The following DYM variants were observed in gnomAD, a reference collection of about 807,000 sequenced individuals.
The protein encoded by DYM is dyggve-Melchior-Clausen syndrome protein.
DYM carries 78 observed loss-of-function variants against 93.1 expected under a neutral mutation model. That is an observed-to-expected ratio of 0.84 (90% CI 0.70 to 1.01). The LOEUF is 1.01. Ranked by LOEUF, DYM falls within the 50% of genes least tolerant of loss-of-function variation. DYM has a pLI of 0.00. For synonymous variants in DYM, 321 were observed against 319.7 expected, an observed-to-expected ratio of 1.00 and a Z score of -0.04; for missense variants, 789 against 845.0, an observed-to-expected ratio of 0.93 and a Z score of 0.82.
chr18:49,350,726 G>GAA (rs72289769), intron 6 of DYM, among the ~76,000 whole-genome samples: 65 of 119,938 alleles, frequency 5.4e-4, no homozygotes, highest in African/African-American at 1.3e-3. Context: ...GAAAAAAAAA[G>GAA]AAAAAAAAAA....
At chr18:49,448,141 G>C (rs772467022) in intron 1 of DYM, among the ~76,000 whole-genome samples, 2 of 152,118 alleles carry the variant, frequency 1.3e-5, no homozygotes, top group African/African-American at 2.4e-5. Flanking sequence ...TTCTGTAAAT[G>C]AGAAAACTCT....
chr18:49,208,493 C>G (rs1020401693), intron 14 of DYM: 4 of 152,166 alleles, frequency 2.6e-5, no homozygotes, highest in Non-Finnish European at 4.4e-5. Context: ...TACAATGACT[C>G]GATGTGAGGC....
chr18:49,316,339 C>G (rs1457407356), intron 8 of DYM, among the ~76,000 whole-genome samples: 1 of 151,802 alleles, frequency 6.6e-6, no homozygotes, highest in African/African-American at 2.4e-5. Context: ...AAATATTTTA[C>G]AAAAATCAAA....
intron 17 of DYM, among the ~76,000 whole-genome samples, chr18:49,053,823 T>C (rs1159364893): frequency 6.6e-6 from 1 of 152,220 alleles, no homozygotes; most frequent in African/African-American, 2.4e-5. Flanking sequence ...GTTGGTGGGC[T>C]TCAGCTAAAC....
At chr18:49,224,876 A>T (rs1207387618) in intron 13 of DYM, among the ~76,000 whole-genome samples, 1 of 152,148 alleles carries the variant, frequency 6.6e-6, no homozygotes, top group African/African-American at 2.4e-5. Flanking sequence ...TCAAATCTAG[A>T]TAAACTTTTA....
chr18:49,154,558 C>T (rs2086174138), intron 15 of DYM, among the ~76,000 whole-genome samples: 3 of 151,996 alleles, frequency 2.0e-5, no homozygotes, highest in African/African-American at 4.8e-5. Context: ...CCATGCTCAG[C>T]TAATTTTTGT....
intron 14 of DYM, among the ~76,000 whole-genome samples, chr18:49,194,795 TCTG>T (rs1023295798): frequency 3.3e-5 from 5 of 152,234 alleles, no homozygotes; most frequent in African/African-American, 1.2e-4. Context: ...TATTTGATTT[TCTG>T]CTAAGTCATT....
intron 2 of DYM, among the ~76,000 whole-genome samples, chr18:49,427,075 C>T (rs2074367150): frequency 6.6e-6 from 1 of 152,082 alleles, no homozygotes; most frequent in Admixed American, 6.6e-5. Flanking sequence ...ACAGGTGATT[C>T]AGGCAAAAAT....
intron 15 of DYM, among the ~76,000 whole-genome samples, chr18:49,162,013 G>C (rs1418681993): frequency 6.6e-6 from 1 of 152,226 alleles, no homozygotes; most frequent in Non-Finnish European, 1.5e-5. Flanking sequence ...ATTTAGAGCT[G>C]TCCTTATTAG....
intron 17 of DYM, among the ~76,000 whole-genome samples, chr18:49,085,700 C>T (rs558336614): frequency 9.3e-5 from 14 of 149,920 alleles, no homozygotes; most frequent in South Asian, 6.4e-4. Flanking sequence ...CTCTGCTGCC[C>T]GGGTTCAAGT....
chr18:49,058,718 A>G (rs1236948917), intron 17 of DYM, among the ~76,000 whole-genome samples: 5 of 152,220 alleles, frequency 3.3e-5, no homozygotes, highest in African/African-American at 1.2e-4. Context: ...ATTAAACAAC[A>G]TTGAGAGTTA....
intron 13 of DYM, among the ~76,000 whole-genome samples, chr18:49,218,812 C>G (rs1263361846): frequency 2.6e-4 from 39 of 151,996 alleles, no homozygotes; most frequent in Non-Finnish European, 7.4e-5. Context: ...AGGACAGATC[C>G]AAAATTGACA....
At position 49,283,425 on chromosome 18, in the gene DYM, CTT is replaced by C. The variant is rs556102198; in HGVS notation, c.947-1252_947-1251del. 3.5e-5 allele frequency among the ~76,000 whole-genome samples: 5 copies of C among 144,784 alleles called. No homozygotes were observed. The South Asian group carries it at 1.1e-3, about 32-fold the overall frequency. 95.0% of individuals were successfully genotyped at this position (144,784 alleles called of 152,430 possible). A position where few individuals can be genotyped will look rare whatever the true frequency, so the allele number is the denominator to read the frequency against. On this transcript the variant is annotated intron_variant, in intron 9 of 17. Coordinates refer to ENST00000675505, the MANE Select transcript of DYM (RefSeq NM_001353214.3). The stretch of plus-strand genomic sequence containing the variant: ...CTAATTGACTATAACTGTTAAGAAA[CTT>C]TTTTTTTTTTTAAAGTACAGTCACT...
intron 17 of DYM, among the ~76,000 whole-genome samples, chr18:49,096,962 T>G (rs2079600033): frequency 6.6e-6 from 1 of 152,172 alleles, no homozygotes; most frequent in African/African-American, 2.4e-5. Context: ...AAAATTAGGA[T>G]GATACCACTA....
chr18:49,387,146 C>T (rs1470152895), intron 3 of DYM, among the ~76,000 whole-genome samples: 3 of 151,872 alleles, frequency 2.0e-5, no homozygotes, highest in Non-Finnish European at 4.4e-5. Context: ...CTATGTTGCT[C>T]CTGGACTCAA....
chr18:49,079,480 T>TGGAGGGAAGGTGGGCAGATAAACA (rs2077603626), intron 17 of DYM, among the ~76,000 whole-genome samples: 1 of 151,796 alleles, frequency 6.6e-6, no homozygotes, highest in African/African-American at 2.4e-5. Context: ...CATAGGACAA[T>TGGAGGGAAGGTGGGCAGATAAACA]AGTGGAGGGA....
At chr18:49,260,518 G>C (rs143357078) in intron 11 of DYM, among the ~76,000 whole-genome samples, 1,568 of 152,194 alleles carry the variant, frequency 0.01, 25 homozygotes, top group African/African-American at 0.036. Context: ...TTAGTAATAT[G>C]AGAAAATTTC....
intron 14 of DYM, among the ~76,000 whole-genome samples, chr18:49,209,139 C>T (rs956455706): frequency 2.6e-5 from 4 of 152,210 alleles, no homozygotes; most frequent in Non-Finnish European, 5.9e-5. Flanking sequence ...GCACCTCTAT[C>T]GGAACATAGG....
At chr18:49,357,661 A>G (rs1241173745) in intron 6 of DYM, among the ~76,000 whole-genome samples, 1 of 152,332 alleles carries the variant, frequency 6.6e-6, no homozygotes, top group East Asian at 1.9e-4. Flanking sequence ...TTAGACCCTT[A>G]CTAATTTACT....
Sources: allele counts gnomAD v4.1 joint callset (sites outside exome capture counted in the v4.1 genomes callset), GRCh38; gene constraint gnomAD v4.1.1; transcripts MANE v1.5; gene names NCBI Gene and HGNC (gene_info 2026-07-23, HGNC 2026-07-21).